COL11A1: variants seen among roughly 807,000 people sequenced by gnomAD.
COL11A1 encodes the protein collagen type XI alpha 1 chain.
In COL11A1, 74 loss-of-function variants were observed where a neutral mutation model predicts 265.2. The observed-to-expected ratio is 0.28, with a 90% CI of 0.23 to 0.34. The LOEUF is 0.34. Among genes scored for constraint, COL11A1 ranks in the 10% least tolerant of loss-of-function variants. COL11A1 has a pLI of 1.00. For synonymous variants in COL11A1, 816 were observed against 727.6 expected, an observed-to-expected ratio of 1.12 and a Z score of -1.96; for missense variants, 2,165 against 2,263.6, an observed-to-expected ratio of 0.96 and a Z score of 0.88.
At chr1:103,066,723 T>C (rs530608029) in intron 4 of COL11A1, among the ~76,000 whole-genome samples, 9 of 151,920 alleles carry the variant, frequency 5.9e-5, no homozygotes, top group Non-Finnish European at 5.9e-5. Flanking sequence ...ATTAGTTTCA[T>C]GACACCAATT....
chr1:103,043,773 C>T (rs1178088661), intron 4 of COL11A1, among the ~76,000 whole-genome samples: 1 of 151,862 alleles, frequency 6.6e-6, no homozygotes, highest in African/African-American at 2.4e-5. Context: ...TATAATTTTT[C>T]TAAAAATAAG....
At chr1:102,988,763 A>G (rs534486565) in intron 29 of COL11A1, among the ~76,000 whole-genome samples, 1 of 152,168 alleles carries the variant, frequency 6.6e-6, no homozygotes, top group Non-Finnish European at 1.5e-5. Flanking sequence ...ATAATAATAA[A>G]GATTGTTCAG....
At chr1:102,998,904 G>A (rs998409340) in intron 24 of COL11A1, among the ~76,000 whole-genome samples, 3 of 151,808 alleles carry the variant, frequency 2.0e-5, no homozygotes, top group Admixed American at 6.6e-5. Context: ...TACCCAATAA[G>A]ATAATAATAA....
At chr1:102,899,496 A>G (rs950534298) in intron 54 of COL11A1, among the ~76,000 whole-genome samples, 3 of 152,184 alleles carry the variant, frequency 2.0e-5, no homozygotes, top group Admixed American at 1.3e-4. Context: ...CAACAGACAC[A>G]GTATTTTCAT....
chr1:102,893,613 A>T (rs140893659), intron 57 of COL11A1, among the ~76,000 whole-genome samples: 15 of 152,296 alleles, frequency 9.8e-5, no homozygotes, highest in African/African-American at 3.6e-4. Context: ...TGAAAAGGAA[A>T]ACAGGGATGA....
intron 46 of COL11A1, among the ~76,000 whole-genome samples, chr1:102,925,739 A>C (rs1656525814): frequency 6.6e-6 from 1 of 152,098 alleles, no homozygotes; most frequent in Non-Finnish European, 1.5e-5. Context: ...GAATTTGATG[A>C]AACACATAAA....
intron 4 of COL11A1, among the ~76,000 whole-genome samples, chr1:103,047,248 G>A (rs1344414997): frequency 6.6e-6 from 1 of 152,140 alleles, no homozygotes; most frequent in East Asian, 1.9e-4. Flanking sequence ...AGCATGGAAT[G>A]TTCTTCCATT....
At chr1:103,025,424 T>C (rs1363542751) in intron 7 of COL11A1, 97 bp downstream of exon 7, 12 of 873,088 alleles carry the variant, frequency 1.4e-5, no homozygotes, top group South Asian at 1.3e-4. Context: ...ACATCAGATG[T>C]TTGAGAAATT....
At chr1:103,041,188 A>G (rs1668785294) in intron 4 of COL11A1, among the ~76,000 whole-genome samples, 1 of 151,948 alleles carries the variant, frequency 6.6e-6, no homozygotes, top group Admixed American at 6.6e-5. Context: ...TTTATTTCAT[A>G]GTATTTAACT....
intron 24 of COL11A1, among the ~76,000 whole-genome samples, chr1:103,000,416 A>T (rs1664999326): frequency 6.6e-6 from 1 of 151,974 alleles, no homozygotes; most frequent in African/African-American, 2.4e-5. Flanking sequence ...CAATATTAAG[A>T]TAAATAATCC....
intron 42 of COL11A1, among the ~76,000 whole-genome samples, chr1:102,946,229 A>G (rs1490458554): frequency 6.8e-6 from 1 of 147,288 alleles, no homozygotes. Context: ...CTAATGCTAA[A>G]TGACGAGTTA....
At chr1:102,955,473 C>CAT (rs780475068) in intron 41 of COL11A1, among the ~76,000 whole-genome samples, 24 of 152,138 alleles carry the variant, frequency 1.6e-4, no homozygotes, top group Non-Finnish European at 2.8e-4. Context: ...TGGCTCCTCT[C>CAT]ATATACTTTC....
At chr1:103,093,085 T>C (rs982035682) in intron 1 of COL11A1, among the ~76,000 whole-genome samples, 1 of 152,100 alleles carries the variant, frequency 6.6e-6, no homozygotes, top group Non-Finnish European at 1.5e-5. Context: ...CAAAACATCT[T>C]TTTTAAAATC....
At chr1:103,043,433 T>C (rs912785686) in intron 4 of COL11A1, among the ~76,000 whole-genome samples, 1 of 151,960 alleles carries the variant, frequency 6.6e-6, no homozygotes, top group Non-Finnish European at 1.5e-5. Context: ...TTAAATTCAC[T>C]GGAATATAAA....
chr1:102,981,650 T>G (rs528676349), intron 31 of COL11A1, among the ~76,000 whole-genome samples: 5 of 152,000 alleles, frequency 3.3e-5, no homozygotes, highest in Non-Finnish European at 7.4e-5. Flanking sequence ...ATATATAATT[T>G]CTATGAAACA....
intron 13 of COL11A1, 25 bp downstream of exon 13, chr1:103,014,486 G>A: frequency 6.3e-7 from 1 of 1,592,186 alleles, no homozygotes; most frequent in Non-Finnish European, 8.6e-7. Context: ...TCATCTTGTG[G>A]GAATGCAAGT....
At chr1:102,896,142 C>T (rs1463039) in intron 57 of COL11A1, among the ~76,000 whole-genome samples, 13,288 of 151,086 alleles carry the variant, frequency 0.088, 696 homozygotes, top group Middle Eastern at 0.15. Context: ...ATTGAACTCA[C>T]TTAAACTTTA....
intron 4 of COL11A1, among the ~76,000 whole-genome samples, chr1:103,044,182 AC>A (rs1669061785): frequency 6.7e-6 from 1 of 149,724 alleles, no homozygotes; most frequent in African/African-American, 2.4e-5. Flanking sequence ...TTTTTTTCAA[AC>A]ACCCCATACA....
rs1041064513 is a variant in COL11A1 at position 103,037,266 on chromosome 1, G to T, written c.652-6022C>A. Among the ~76,000 whole-genome samples the T allele has an allele frequency of 3.1e-3, 457 of 147,700 alleles. 2 individuals are homozygous for T. The highest frequency in any genetic ancestry group is 0.014 in the East Asian group (70 of 5,170). Reference sequence around the variant, plus strand: ...ATACATTTAGATTGTGTGTGTGTGTGTGTGTGTGTGTGTGTGTGTGTAAAG... The same window carrying T: ...ATACATTTAGATTGTGTGTGTGTGTTTGTGTGTGTGTGTGTGTGTGTAAAG... On this transcript the variant is annotated intron_variant, in intron 4 of 66. Coordinates refer to ENST00000370096, the MANE Select transcript of COL11A1 (RefSeq NM_001854.4).
Sources: allele counts gnomAD v4.1 joint callset (sites outside exome capture counted in the v4.1 genomes callset), GRCh38; gene constraint gnomAD v4.1.1; transcripts MANE v1.5; gene names NCBI Gene and HGNC (gene_info 2026-07-23, HGNC 2026-07-21).